The following FAM174A variants were observed in gnomAD, a reference collection of about 807,000 sequenced individuals.
FAM174A encodes the protein membrane protein FAM174A.
A neutral mutation model predicts 14.3 loss-of-function variants in FAM174A; 14 were observed. The observed-to-expected ratio is 0.98, with a 90% CI of 0.65 to 1.53. The LOEUF (loss-of-function observed/expected upper bound fraction) is 1.53, where lower values mean the gene tolerates loss of function less well. Among genes scored for constraint, FAM174A ranks in the 40% most tolerant of loss-of-function variants. FAM174A has a pLI of 0.00. For missense variants in FAM174A, 241 were observed against 249.6 expected (o/e 0.97, Z 0.23); for synonymous variants, 108 against 111.4 (o/e 0.97, Z 0.19).
chr5:100,544,415 G>A (rs1746125532), intron 1 of FAM174A, among the ~76,000 whole-genome samples: 1 of 151,680 alleles, frequency 6.6e-6, no homozygotes, highest in Admixed American at 6.6e-5. Flanking sequence ...CCTGGAGAGA[G>A]AGAGAGAGAG....
intron 2 of FAM174A, among the ~76,000 whole-genome samples, chr5:100,583,226 CAG>C (rs1482782106): frequency 6.6e-6 from 1 of 152,088 alleles, no homozygotes; most frequent in African/African-American, 2.4e-5. Flanking sequence ...CTTGCTGTCT[CAG>C]GGGTGGTAGA....
intron 2 of FAM174A, among the ~76,000 whole-genome samples, chr5:100,569,085 C>A (rs1408783445): frequency 6.6e-6 from 1 of 151,880 alleles, no homozygotes; most frequent in East Asian, 1.9e-4. Flanking sequence ...ATTCTTCCCA[C>A]CTCATCCTTT....
Position 100,535,777 on chromosome 5 carries a change from A to G in FAM174A, c.247A>G (p.Asn83Asp), listed in dbSNP as rs1745930504. The change falls in exon 1 of 3, where the codon AAT becomes GAT. Residue 83 changes from asparagine to aspartate, a missense_variant. Transcript: ENST00000312637. The part of the protein sequence containing the change: ...AAGPRGSEGG[N>D]GSNPVAGLET... ...GGGGCCGCGGGGCTCCGAGGGAGGCAATGGCAGCAACCCTGTGGCCGGGCT... is the reference window on the plus strand; with the variant it reads ...GGGGCCGCGGGGCTCCGAGGGAGGCGATGGCAGCAACCCTGTGGCCGGGCT... The G allele has an allele frequency of 6.2e-7, 1 of 1,606,690 alleles. No individual in the cohort carries two copies. The highest frequency in any genetic ancestry group is 1.7e-5 in the Admixed American group (1 of 59,722).
chr5:100,535,572 G>T lies in FAM174A; in HGVS notation c.42G>T (p.Leu14Phe), dbSNP rs772911516. The change falls in exon 1 of 3, where the codon TTG (leucine) becomes TTT (phenylalanine). Residue 14 changes from leucine to phenylalanine, a missense_variant. Coordinates refer to ENST00000312637, the MANE Select transcript of FAM174A (RefSeq NM_198507.3). Reference protein sequence around the residue: ...SQCCCCLSHLLASVLLLLLLP... With the variant: ...SQCCCCLSHLFASVLLLLLLP... ...GCTGCTGCTGTCTCAGCCACCTCTT[G>T]GCTTCCGTCCTCCTCCTGCTGTTGC... is the stretch of plus-strand genomic sequence containing the variant. The T allele has an allele frequency of 1.9e-6, 3 of 1,613,132 alleles. No individual in the cohort carries two copies. The highest frequency in any genetic ancestry group is 2.5e-6 in the Non-Finnish European group (3 of 1,179,986).
At chr5:100,562,488 CAT>C (rs936938395) in intron 2 of FAM174A, among the ~76,000 whole-genome samples, 1 of 151,628 alleles carries the variant, frequency 6.6e-6, no homozygotes, top group Non-Finnish European at 1.5e-5. Flanking sequence ...AAACTTGTGT[CAT>C]GTGGTTTTGT....
At chr5:100,577,534 T>C (rs1746926710) in intron 2 of FAM174A, among the ~76,000 whole-genome samples, 1 of 152,140 alleles carries the variant, frequency 6.6e-6, no homozygotes, top group Non-Finnish European at 1.5e-5. Flanking sequence ...TCAATATAAG[T>C]ATTTAGTGAG....
intron 2 of FAM174A, chr5:100,581,503 A>C: frequency 2.0e-6 from 1 of 509,152 alleles, no homozygotes; most frequent in Non-Finnish European, 2.5e-6. Context: ...CTGTGATCCC[A>C]ACACTTTGGG....
At chr5:100,573,987 T>TCTATTAAG (rs999244001) in intron 2 of FAM174A, among the ~76,000 whole-genome samples, 1 of 152,044 alleles carries the variant, frequency 6.6e-6, no homozygotes, top group African/African-American at 2.4e-5. Flanking sequence ...AATGTGACAT[T>TCTATTAAG]TCCTAATAAA....
intron 2 of FAM174A, among the ~76,000 whole-genome samples, chr5:100,562,754 G>A (rs1286643015): frequency 6.6e-6 from 1 of 151,662 alleles, no homozygotes; most frequent in African/African-American, 2.4e-5. Context: ...AATTGTTTAT[G>A]GTCTGATCAT....
At chr5:100,538,529 G>GTA (rs374064683) in intron 1 of FAM174A, among the ~76,000 whole-genome samples, 1,690 of 150,898 alleles carry the variant, frequency 0.011, 31 homozygotes, top group African/African-American at 0.034. Context: ...ATATGTAAGT[G>GTA]TATATATATA....
intron 1 of FAM174A, among the ~76,000 whole-genome samples, chr5:100,550,063 A>G (rs115495233): frequency 5.4e-4 from 82 of 152,288 alleles, no homozygotes; most frequent in African/African-American, 1.9e-3. Context: ...TTCATAGTGT[A>G]TATGAGGAAA....
chr5:100,559,522 G>A (rs540472945), intron 1 of FAM174A, among the ~76,000 whole-genome samples: 1 of 152,144 alleles, frequency 6.6e-6, no homozygotes, highest in South Asian at 2.1e-4. Flanking sequence ...AAGTTCTCCT[G>A]GATAATATCC....
At chr5:100,574,184 ATTTTTATTT>A (rs1298142925) in intron 2 of FAM174A, among the ~76,000 whole-genome samples, 2 of 96,352 alleles carry the variant, frequency 2.1e-5, no homozygotes, top group Non-Finnish European at 2.0e-5. Flanking sequence ...CTTATAATTT[ATTTTTATTT>A]TTTTTATTTT....
At chr5:100,582,317 A>G (rs1747035720) in intron 2 of FAM174A, among the ~76,000 whole-genome samples, 1 of 152,170 alleles carries the variant, frequency 6.6e-6, no homozygotes, top group Non-Finnish European at 1.5e-5. Flanking sequence ...ATTATCTTAT[A>G]CTAATCATTT....
At chr5:100,573,763 G>A (rs570599525) in intron 2 of FAM174A, among the ~76,000 whole-genome samples, 13 of 150,674 alleles carry the variant, frequency 8.6e-5, no homozygotes, top group East Asian at 5.8e-4. Flanking sequence ...AGCCCACATC[G>A]CCAAGTCAAT....
intron 2 of FAM174A, among the ~76,000 whole-genome samples, chr5:100,577,764 T>G (rs1470509565): frequency 6.6e-6 from 1 of 152,122 alleles, no homozygotes; most frequent in Non-Finnish European, 1.5e-5. Flanking sequence ...AGTAGGATAG[T>G]TCCTACTTAA....
At chr5:100,576,167 AATT>A (rs1340039193) in intron 2 of FAM174A, among the ~76,000 whole-genome samples, 2 of 152,176 alleles carry the variant, frequency 1.3e-5, no homozygotes, top group Non-Finnish European at 2.9e-5. Context: ...GATGTAGAGT[AATT>A]ATTTTTTCTG....
At chr5:100,566,742 T>C (rs1746660651) in intron 2 of FAM174A, among the ~76,000 whole-genome samples, 2 of 151,896 alleles carry the variant, frequency 1.3e-5, no homozygotes, top group African/African-American at 4.8e-5. Context: ...CAATTTTTAT[T>C]TACCAATTAT....
At chr5:100,571,679 T>A in intron 2 of FAM174A, among the ~76,000 whole-genome samples, 1 of 146,854 alleles carries the variant, frequency 6.8e-6, no homozygotes, top group South Asian at 2.1e-4. Context: ...TGTGTATATA[T>A]ATATATATAT....
Sources: gnomAD v4.1 joint callset for allele counts (sites outside exome capture counted in the v4.1 genomes callset) on GRCh38, gnomAD v4.1.1 for gene constraint, MANE v1.5 for transcripts, NCBI Gene and HGNC (gene_info 2026-07-23, HGNC 2026-07-21) for gene names.